Variants in DOP1A observed in about 807,000 individuals in gnomAD.
DOP1A encodes protein DOP1A.
Under a neutral mutation model 267.6 loss-of-function variants are expected in DOP1A, and 90 were observed. The observed-to-expected ratio is 0.34, with a 90% CI of 0.28 to 0.40. The LOEUF (loss-of-function observed/expected upper bound fraction) is 0.40, where lower values mean the gene tolerates loss of function less well. Among genes scored for constraint, DOP1A ranks in the 10% least tolerant of loss-of-function variants. The pLI is 1.00. For missense variants in DOP1A, 2,437 were observed against 2,900.4 expected (o/e 0.84, Z 3.67); for synonymous variants, 932 against 999.1 (o/e 0.93, Z 1.27).
intron 38 of DOP1A, chr6:83,167,479 T>C: frequency 1.0e-6 from 1 of 995,854 alleles, no homozygotes. Flanking sequence ...TGTTCCTTTT[T>C]TCTGTAGTAA....
intron 3 of DOP1A, among the ~76,000 whole-genome samples, chr6:83,097,449 C>T (rs1314387533): frequency 6.6e-6 from 1 of 152,174 alleles, no homozygotes; most frequent in African/African-American, 2.4e-5. Flanking sequence ...TGCTGGAATT[C>T]CTGGCAGCAA....
In DOP1A at chr6:83,162,841, C is replaced by T; in HGVS notation, c.7014C>T (p.Val2338=). 2 of 1,613,556 alleles carry T rather than the reference C, an allele frequency of 1.2e-6. No homozygotes were observed. Among genetic ancestry groups the T allele is most frequent in the Non-Finnish European group, 1.7e-6 (2 of 1,179,628 alleles). Reference sequence around the variant, plus strand: ...CCTCAGATGATTCAGGTTTGGAAGTCAGAAGGCAGGGTATACATCAACGAG... The same window carrying T: ...CCTCAGATGATTCAGGTTTGGAAGTTAGAAGGCAGGGTATACATCAACGAG... ...PEASDDSGLE[V]RRQGIHQREF... The change falls in exon 38 of 39, where the codon GTC becomes GTT. Residue 2338 remains valine, a synonymous_variant. Coordinates refer to ENST00000349129, the MANE Select transcript of DOP1A (RefSeq NM_015018.4).
Position 83,135,306 on chromosome 6 carries a change from C to T in DOP1A, c.2871-313C>T, listed in dbSNP as rs560548221. Among the ~76,000 whole-genome samples the T allele has an allele frequency of 1.6e-4, 24 of 152,004 alleles. 1 individual carries two copies. The highest frequency in any genetic ancestry group is 7.9e-4 in the Admixed American group (12 of 15,260). Reference sequence around the variant, plus strand: ...AAGGCTCAGTGCTTGATAATATGAACAGGAAAATGTTGCTAAAACAAGACT... The same window carrying T: ...AAGGCTCAGTGCTTGATAATATGAATAGGAAAATGTTGCTAAAACAAGACT... On this transcript the variant is annotated intron_variant, in intron 19 of 38. Transcript: ENST00000349129.
At chr6:83,074,123 C>T (rs1308904729) in intron 1 of DOP1A, among the ~76,000 whole-genome samples, 1 of 152,100 alleles carries the variant, frequency 6.6e-6, no homozygotes, top group East Asian at 1.9e-4. Flanking sequence ...GCAGTATATA[C>T]ACAGCTCATT....
chr6:83,168,946 A>AT (rs1786467445), downstream of DOP1A: 21 of 1,139,752 alleles, frequency 1.8e-5, no homozygotes, highest in South Asian at 5.9e-4. Context: ...GCCTGCATGA[A>AT]TTGTTCCCCA....
intron 4 of DOP1A, among the ~76,000 whole-genome samples, chr6:83,104,147 T>C (rs1417155275): frequency 1.3e-5 from 2 of 152,212 alleles, no homozygotes; most frequent in Non-Finnish European, 2.9e-5. Context: ...TTTTTCTGTA[T>C]TGACATTGTA....
chr6:83,089,684 C>G (rs921545035), intron 1 of DOP1A, among the ~76,000 whole-genome samples: 1 of 151,964 alleles, frequency 6.6e-6, no homozygotes, highest in Non-Finnish European at 1.5e-5. Context: ...TTTTAAGTTT[C>G]CTGGTTATAT....
Position 83,168,200 on chromosome 6 carries a change from A to T in DOP1A, c.*33A>T. 2.5e-6 allele frequency: 4 copies of T among 1,579,440 alleles called. No individual in the cohort carries two copies. The African/African-American group carries it at 5.4e-5, about 21-fold the overall frequency. On this transcript the variant is annotated 3_prime_UTR_variant, in exon 39 of 39. Transcript: ENST00000349129. ...TGCTGGTTCCATTTAGCTTACATGT[A>T]AATGTAATTATTTAAAACACACACA...
At chr6:83,143,265 G>T (rs573241) in intron 24 of DOP1A, among the ~76,000 whole-genome samples, 34,394 of 152,100 alleles carry the variant, frequency 0.23, 3,969 homozygotes, top group Non-Finnish European at 0.24. Context: ...AGTGAAGTGT[G>T]GTGGCATTTG....
chr6:83,093,793 C>G (rs1770925698), intron 1 of DOP1A, among the ~76,000 whole-genome samples: 1 of 152,138 alleles, frequency 6.6e-6, no homozygotes, highest in Non-Finnish European at 1.5e-5. Context: ...GTAATCCCAG[C>G]TGCTCGGGAG....
intron 1 of DOP1A, among the ~76,000 whole-genome samples, chr6:83,076,246 G>A (rs78523189): frequency 0.021 from 3,122 of 152,270 alleles, 116 homozygotes; most frequent in African/African-American, 0.07. Flanking sequence ...TATTGAGGCC[G>A]GGTGTGGTGG....
intron 1 of DOP1A, among the ~76,000 whole-genome samples, chr6:83,084,014 TC>T (rs1460418925): frequency 6.6e-6 from 1 of 152,212 alleles, no homozygotes; most frequent in East Asian, 1.9e-4. Flanking sequence ...AAAAAAGAAA[TC>T]GTAAAGTTAA....
chr6:83,154,263 T>A, intron 33 of DOP1A, 22 bp downstream of exon 33: 1 of 1,603,462 alleles, frequency 6.2e-7, no homozygotes, highest in African/African-American at 1.3e-5. Context: ...GGGATGACAA[T>A]CCAAGTTCTT....
chr6:83,144,968 A>G (rs573101665), intron 24 of DOP1A, among the ~76,000 whole-genome samples: 60 of 147,844 alleles, frequency 4.1e-4, no homozygotes, highest in African/African-American at 1.4e-3. Flanking sequence ...ATCTGGGCAT[A>G]GTGGCATGCC....
chr6:83,148,744 T>C lies in DOP1A; in HGVS notation c.5733-15T>C. ...AGTTTATTGTGGCTTTTGTATAAAC[T>C]ATATTATCTTGCAGAATTCCAGTGC... On this transcript the variant is annotated splice_polypyrimidine_tract_variant and intron_variant, in intron 26 of 38. Coordinates refer to ENST00000349129, the MANE Select transcript of DOP1A (RefSeq NM_015018.4). The C allele has an allele frequency of 6.6e-7, 1 of 1,506,798 alleles. No individual in the cohort carries two copies. Among genetic ancestry groups the C allele is most frequent in the Non-Finnish European group, 8.9e-7 (1 of 1,125,226 alleles). The allele number at this position is 1,506,798 out of a possible 1,614,324, so 93.3% of individuals were successfully genotyped here.
At chr6:83,135,504 A>G (rs1473439745) in intron 19 of DOP1A, 115 bp from the exon 20 acceptor site, 2 of 1,132,636 alleles carry the variant, frequency 1.8e-6, no homozygotes, top group Non-Finnish European at 2.4e-6. Flanking sequence ...ATCCTGAAGT[A>G]TGACTACTTC....
rs992470426 is a variant in DOP1A, at chr6:83,117,823, T to C, written c.781-1065T>C. 5.3e-5 allele frequency among the ~76,000 whole-genome samples: 8 copies of C among 152,218 alleles called. No homozygotes were observed. In the East Asian group the frequency reaches 1.5e-3, roughly 29 times the overall value. ...AACCATACTTTCAGAATTGTACAGA[T>C]CAATAGAAGGCATTTGTGTTCAAAG... is the stretch of plus-strand genomic sequence containing the variant. On this transcript the variant is annotated intron_variant, in intron 7 of 38. Transcript: ENST00000349129.
At chr6:83,166,091 A>G in intron 38 of DOP1A, 1 of 363,986 alleles carries the variant, frequency 2.7e-6, no homozygotes, top group Non-Finnish European at 4.9e-6. Flanking sequence ...CGATAGAGAA[A>G]TGATTCATTA....
At position 83,138,688 on chromosome 6, in the gene DOP1A, G is replaced by T; in HGVS notation, c.4646G>T (p.Gly1549Val). The change falls in exon 21 of 39, where the codon GGT becomes GTT. Residue 1549 changes from glycine (G) to valine (V), a missense_variant. Physicochemically the swap from Gly to Val is moderately radical, Grantham distance 109. Coordinates refer to ENST00000349129, the MANE Select transcript of DOP1A (RefSeq NM_015018.4). ...AQKWHSEKMA[G>V]KNLVAVEEGF... ...AAATGGCATAGTGAAAAAATGGCAG[G>T]TAAGAACCTGGTTGCTGTGGAAGAA... The T allele has an allele frequency of 6.2e-7, 1 of 1,613,960 alleles. No homozygotes were observed. Among genetic ancestry groups the T allele is most frequent in the Non-Finnish European group, 8.5e-7 (1 of 1,179,942 alleles).
Sources: allele counts gnomAD v4.1 joint callset (sites outside exome capture counted in the v4.1 genomes callset), GRCh38; gene constraint gnomAD v4.1.1; transcripts MANE v1.5; gene names NCBI Gene and HGNC (gene_info 2026-07-23, HGNC 2026-07-21).